Variants in KCNQ5 observed in about 807,000 individuals in gnomAD.
KCNQ5 encodes the protein potassium voltage-gated channel subfamily Q member 5, also known as potassium voltage-gated channel subfamily KQT member 5.
Under a neutral mutation model 98.2 loss-of-function variants are expected in KCNQ5, and 30 were observed. The observed-to-expected ratio is 0.31, with a 90% CI of 0.23 to 0.41. The LOEUF is 0.41. Ranked by LOEUF, KCNQ5 falls within the 10% of genes least tolerant of loss-of-function variation. The pLI, the probability that KCNQ5 is intolerant of heterozygous loss-of-function variation, is 1.00. For missense variants in KCNQ5, 835 were observed against 1,182.5 expected (o/e 0.71, Z 4.31); for synonymous variants, 458 against 449.4 (o/e 1.02, Z -0.24).
At chr6:72,669,747 T>C (rs1767005246) in intron 1 of KCNQ5, among the ~76,000 whole-genome samples, 1 of 152,126 alleles carries the variant, frequency 6.6e-6, no homozygotes, top group Non-Finnish European at 1.5e-5. Context: ...TCTCCCCTAT[T>C]TTTCAAACTG....
chr6:72,952,590 C>G (rs576518910), intron 1 of KCNQ5, among the ~76,000 whole-genome samples: 1 of 152,188 alleles, frequency 6.6e-6, no homozygotes, highest in African/African-American at 2.4e-5. Flanking sequence ...ATATTTTAGC[C>G]TTTTACACCA....
intron 5 of KCNQ5, among the ~76,000 whole-genome samples, chr6:73,081,928 C>T (rs1773791932): frequency 6.6e-6 from 1 of 152,270 alleles, no homozygotes; most frequent in Admixed American, 6.5e-5. Flanking sequence ...ACGAAGGTGC[C>T]CCCACTCCAC....
rs79821563 is a variant in KCNQ5 at position 72,760,177 on chromosome 6, A to G, written c.398+137590A>G. 4.4e-3 allele frequency among the ~76,000 whole-genome samples: 673 copies of G among 152,238 alleles called. 2 individuals carry two copies. The highest frequency in any genetic ancestry group is 0.017 in the Middle Eastern group (5 of 294). ...TATGCAACTACTGGACTTTGTCTAT[A>G]CTTGGTAACTTTTATAAATAAATCA... On this transcript the variant is annotated intron_variant, in intron 1 of 13. Coordinates refer to ENST00000370398, the MANE Select transcript of KCNQ5 (RefSeq NM_019842.4).
intron 1 of KCNQ5, among the ~76,000 whole-genome samples, chr6:72,741,834 C>A (rs1202425029): frequency 1.3e-5 from 2 of 152,130 alleles, no homozygotes; most frequent in Non-Finnish European, 2.9e-5. Flanking sequence ...TCTGTCTTTT[C>A]TTAAGAATAT....
At chr6:72,929,748 A>T (rs1765606565) in intron 1 of KCNQ5, among the ~76,000 whole-genome samples, 1 of 152,140 alleles carries the variant, frequency 6.6e-6, no homozygotes, top group Middle Eastern at 3.2e-3. Flanking sequence ...AACATGAAAA[A>T]TGCTCATTTT....
At chr6:72,668,418 T>A (rs1667129584) in intron 1 of KCNQ5, among the ~76,000 whole-genome samples, 1 of 152,126 alleles carries the variant, frequency 6.6e-6, no homozygotes, top group South Asian at 2.1e-4. Context: ...GGTAGCTATA[T>A]GAGAGTTGGC....
At chr6:72,656,512 A>T (rs1321123475) in intron 1 of KCNQ5, among the ~76,000 whole-genome samples, 1 of 152,178 alleles carries the variant, frequency 6.6e-6, no homozygotes, top group African/African-American at 2.4e-5. Flanking sequence ...TTCTTATCAC[A>T]TTGTCTATTC....
intron 1 of KCNQ5, among the ~76,000 whole-genome samples, chr6:72,888,523 G>A (rs1307609531): frequency 6.6e-6 from 1 of 152,144 alleles, no homozygotes; most frequent in South Asian, 2.1e-4. Flanking sequence ...TTTACTTTGA[G>A]ACCAGTAATT....
intron 1 of KCNQ5, among the ~76,000 whole-genome samples, chr6:72,931,019 T>C (rs1056143864): frequency 1.3e-5 from 2 of 152,200 alleles, no homozygotes; most frequent in Non-Finnish European, 2.9e-5. Flanking sequence ...TGGGCCATCA[T>C]TGACTATGGT....
At chr6:72,687,513 T>C (rs1226533975) in intron 1 of KCNQ5, among the ~76,000 whole-genome samples, 2 of 152,150 alleles carry the variant, frequency 1.3e-5, no homozygotes, top group African/African-American at 4.8e-5. Flanking sequence ...TGACAATACA[T>C]GTGACCATAT....
At chr6:73,193,464 A>AAAAATAAAATAAAATAAAT (rs1765672784) in intron 13 of KCNQ5, among the ~76,000 whole-genome samples, 1 of 126,696 alleles carries the variant, frequency 7.9e-6, no homozygotes, top group Non-Finnish European at 1.6e-5. Flanking sequence ...TGTCTCTACT[A>AAAAATAAAATAAAATAAAT]AAAATAAAAT....
intron 1 of KCNQ5, among the ~76,000 whole-genome samples, chr6:72,666,963 G>A (rs1766850766): frequency 6.6e-6 from 1 of 152,034 alleles, no homozygotes; most frequent in African/African-American, 2.4e-5. Context: ...CTAAAATACT[G>A]GTCATGATAA....
chr6:72,999,061 C>T (rs570200826), intron 1 of KCNQ5, among the ~76,000 whole-genome samples: 12 of 152,118 alleles, frequency 7.9e-5, no homozygotes, highest in Non-Finnish European at 1.3e-4. Context: ...TGCCATGGTT[C>T]GTTCAGTAGA....
chr6:73,121,621 A>AT (rs1434229793), intron 8 of KCNQ5, among the ~76,000 whole-genome samples: 9 of 152,144 alleles, frequency 5.9e-5, no homozygotes, highest in African/African-American at 1.9e-4. Context: ...GCTTCATGGG[A>AT]TTCAGGACAC....
At chr6:73,081,810 A>G (rs1222232873) in intron 5 of KCNQ5, among the ~76,000 whole-genome samples, 2 of 152,182 alleles carry the variant, frequency 1.3e-5, no homozygotes, top group Non-Finnish European at 2.9e-5. Context: ...TAATCTGACC[A>G]TAGCCTCAGC....
At chr6:72,659,558 T>C (rs908051357) in intron 1 of KCNQ5, among the ~76,000 whole-genome samples, 2 of 152,244 alleles carry the variant, frequency 1.3e-5, no homozygotes, top group African/African-American at 4.8e-5. Context: ...GGCTACTCTT[T>C]GCTTCCAAGA....
intron 1 of KCNQ5, among the ~76,000 whole-genome samples, chr6:72,924,846 C>A (rs1780557998): frequency 6.6e-6 from 1 of 152,120 alleles, no homozygotes; most frequent in Non-Finnish European, 1.5e-5. Context: ...TAGTGAGGGA[C>A]CTCTGGCTGT....
chr6:72,846,278 T>C (rs1025888097), intron 1 of KCNQ5, among the ~76,000 whole-genome samples: 1 of 152,166 alleles, frequency 6.6e-6, no homozygotes, highest in African/African-American at 2.4e-5. Context: ...GCATCACCAT[T>C]TCTCAAAGAG....
intron 5 of KCNQ5, among the ~76,000 whole-genome samples, chr6:73,092,163 G>T (rs1232518960): frequency 2.0e-5 from 3 of 151,642 alleles, no homozygotes; most frequent in Non-Finnish European, 2.9e-5. Context: ...TTGAGTTCTT[G>T]ATTTGATTCT....
Sources: gnomAD v4.1 joint callset for allele counts (sites outside exome capture counted in the v4.1 genomes callset) on GRCh38, gnomAD v4.1.1 for gene constraint, MANE v1.5 for transcripts, NCBI Gene and HGNC (gene_info 2026-07-23, HGNC 2026-07-21) for gene names.